CCNG1: variants seen among roughly 807,000 people sequenced by gnomAD.
The protein encoded by CCNG1 is cyclin-G1.
CCNG1 carries 13 observed loss-of-function variants against 30.0 expected under a neutral mutation model. The ratio of observed to expected loss-of-function variants is 0.43; its 90% CI spans 0.28 to 0.69. The LOEUF is 0.69. Among genes scored for constraint, CCNG1 ranks in the 30% least tolerant of loss-of-function variants. The pLI, the probability that CCNG1 is intolerant of heterozygous loss-of-function variation, is 0.16. For missense variants in CCNG1, 285 were observed against 331.4 expected (o/e 0.86, Z 1.09); for synonymous variants, 110 against 121.5 (o/e 0.91, Z 0.62).
rs759491839 is a variant in CCNG1, at chr5:163,441,335, A to G, written c.518+4A>G. On this transcript the variant is annotated splice_donor_region_variant and intron_variant, in intron 3 of 6. Transcript: ENST00000340828. ...AAGAGAACTTGCCACTTGAAAGGTA[A>G]GTGACCTTTGTTTTGAACAAGAGAC... is the stretch of plus-strand genomic sequence containing the variant. The G allele has an allele frequency of 5.0e-6, 8 of 1,612,360 alleles. No homozygotes were observed. In the East Asian group the frequency reaches 1.8e-4, roughly 36 times the overall value.
At position 163,441,141 on chromosome 5, in the gene CCNG1, G is replaced by T; in HGVS notation, c.328G>T (p.Glu110Ter). 1 of 1,613,924 alleles carries T rather than the reference G, an allele frequency of 6.2e-7. No homozygotes were observed. The highest frequency in any genetic ancestry group is 8.5e-7 in the Non-Finnish European group (1 of 1,179,834). Residue 110 changes from glutamate (E) to a stop codon, truncating the protein, a stop_gained, in exon 3 of 7, where the codon GAA (glutamate) becomes TAA (stop). Coordinates refer to ENST00000340828, the MANE Select transcript of CCNG1 (RefSeq NM_004060.4). LOFTEE classifies it high-confidence loss of function. The stretch of plus-strand genomic sequence containing the variant: ...CTTTTATTTGGCTGTAAAATCAATA[G>T]AAGAGGAAAGGAATGTCCCATTGGC... ...SCFYLAVKSIEEERNVPLATD... is the reference protein window; with the variant it reads ...SCFYLAVKSI
Position 163,439,367 on chromosome 5 carries a change from T to G in CCNG1, c.111T>G (p.Ile37Met). The change falls in exon 2 of 7, where the codon ATT (isoleucine) becomes ATG (methionine). Residue 37 changes from isoleucine to methionine, a missense_variant. Transcript: ENST00000340828. ...CAAAGGTCTGTGGTTTGAGACTAAT[T>G]GAGTCTGCACACGATAATGGCCTCA... The part of the protein sequence containing the change: ...CQPKVCGLRL[I>M]ESAHDNGLRM... The G allele has an allele frequency of 6.2e-7, 1 of 1,614,218 alleles. No individual in the cohort carries two copies. Among genetic ancestry groups the G allele is most frequent in the Non-Finnish European group, 8.5e-7 (1 of 1,180,034 alleles).
chr5:163,452,486 A>G, the CCNG1 span: 1 of 150,336 alleles, frequency 6.7e-6, no homozygotes, highest in African/African-American at 2.5e-5. Flanking sequence ...TTGAGCACCA[A>G]TGTAATGATA....
the CCNG1 span, chr5:163,457,475 C>T: frequency 2.4e-6 from 2 of 827,508 alleles, no homozygotes; most frequent in Non-Finnish European, 4.0e-6. Flanking sequence ...TTCAAAGCTG[C>T]AAAGACAAAA....
chr5:163,453,584 T>C, the CCNG1 span: 1 of 153,980 alleles, frequency 6.5e-6, no homozygotes, highest in Non-Finnish European at 1.4e-5. Flanking sequence ...AATTCCTATT[T>C]AGAAAATTTT....
chr5:163,447,917 GT>G (rs1175469692), downstream of CCNG1: 2 of 152,024 alleles, frequency 1.3e-5, no homozygotes, highest in Non-Finnish European at 2.9e-5. Context: ...AGCCATGCTG[GT>G]GCTGCAATTT....
downstream of CCNG1, chr5:163,448,500 C>A (rs887700085): frequency 6.6e-5 from 10 of 152,216 alleles, no homozygotes; most frequent in East Asian, 1.9e-3. Context: ...TCAATAAATT[C>A]TCTATTTTTA....
chr5:163,438,718 A>G (rs1004960096), intron 1 of CCNG1, among the ~76,000 whole-genome samples: 1 of 152,206 alleles, frequency 6.6e-6, no homozygotes, highest in African/African-American at 2.4e-5. Flanking sequence ...GAAGATTTGC[A>G]TTTTATTTTT....
intron 6 of CCNG1, 41 bp from the exon 7 acceptor site, chr5:163,443,626 ACTGGCTT>A: frequency 1.0e-6 from 1 of 999,894 alleles, no homozygotes; most frequent in Non-Finnish European, 1.5e-6. Flanking sequence ...ATTTAGGCAG[ACTGGCTT>A]CTGTTAAGTT....
intron 2 of CCNG1, 62 bp from the exon 3 acceptor site, chr5:163,441,016 T>G (rs1184665272): frequency 6.6e-7 from 1 of 1,514,756 alleles, no homozygotes; most frequent in African/African-American, 1.4e-5. Flanking sequence ...AGATTATCCT[T>G]TATGTTTTAA....
intron 3 of CCNG1, 25 bp downstream of exon 3, chr5:163,441,356 G>A: frequency 6.2e-7 from 1 of 1,600,850 alleles, no homozygotes; most frequent in South Asian, 1.1e-5. Context: ...TTTTGAACAA[G>A]AGACATTTGG....
At chr5:163,438,233 A>AC (rs746678689) in intron 1 of CCNG1, among the ~76,000 whole-genome samples, 125 of 147,384 alleles carry the variant, frequency 8.5e-4, no homozygotes, top group South Asian at 4.5e-4. Context: ...AACCCACCGC[A>AC]CCCCCCCGCC....
At chr5:163,450,092 A>T (rs756394199), downstream of CCNG1, 1 of 151,992 alleles carries the variant, frequency 6.6e-6, no homozygotes, top group Non-Finnish European at 1.5e-5. Context: ...CTCTACTAAA[A>T]ATAAAAAATA....
At chr5:163,457,139 GT>G in the CCNG1 span, 52,624 of 1,168,312 alleles carry the variant, frequency 0.045, no homozygotes, top group South Asian at 0.056. Context: ...TCATCAAGTT[GT>G]TTTTTTTTTT....
Position 163,439,656 on chromosome 5 carries a change from G to C in CCNG1, c.264+136G>C, listed in dbSNP as rs1447786156. 6.0e-6 allele frequency: 4 copies of C among 664,708 alleles called. No individual in the cohort carries two copies. The Admixed American group carries it at 1.2e-4, about 19-fold the overall frequency. The allele number at this position is 664,708 out of a possible 1,614,324, so 41.2% of individuals were successfully genotyped here. A position where few individuals can be genotyped will look rare whatever the true frequency, so the allele number is the denominator to read the frequency against. Reference sequence around the variant, plus strand: ...CAAAACATTAATTTTGTCTACTACAGCATTAATATTTCTTATCATAATCAA... The same window carrying C: ...CAAAACATTAATTTTGTCTACTACACCATTAATATTTCTTATCATAATCAA... On this transcript the variant is annotated intron_variant, in intron 2 of 6. Transcript: ENST00000340828.
At chr5:163,445,453 CTTTACTTT>C (rs1758016751), downstream of CCNG1, among the ~76,000 whole-genome samples, 1 of 151,854 alleles carries the variant, frequency 6.6e-6, no homozygotes, top group Non-Finnish European at 1.5e-5. Flanking sequence ...TTAGCTGACA[CTTTACTTT>C]TTGTTTTTTC....
Position 163,442,355 on chromosome 5 carries a change from A to T in CCNG1, c.697-19A>T, listed in dbSNP as rs752540635. On this transcript the variant is annotated intron_variant, in intron 5 of 6. Transcript: ENST00000340828. ...GACTTACTTGGAGTAATAATTTTTT[A>T]AAATTTATGTATGTACAGATAAATG... 29 of 1,561,566 alleles carry T rather than the reference A, an allele frequency of 1.9e-5. No individual in the cohort carries two copies. The highest frequency in any genetic ancestry group is 2.2e-5 in the Non-Finnish European group (25 of 1,154,856).
In CCNG1 at chr5:163,444,502, A is replaced by T. The variant is rs1757976500; in HGVS notation, c.*832A>T. 6.6e-6 allele frequency: 1 copy of T among 152,630 alleles called. No individual in the cohort carries two copies. Among genetic ancestry groups the T allele is most frequent in the Non-Finnish European group, 1.5e-5 (1 of 68,028 alleles). 9.5% of individuals were successfully genotyped at this position (152,630 alleles called of 1,614,324 possible). A position where few individuals can be genotyped will look rare whatever the true frequency, so the allele number is the denominator to read the frequency against. On this transcript the variant is annotated 3_prime_UTR_variant, in exon 7 of 7. Transcript: ENST00000340828. ...CTAAGGTAAGTTCAGACTAGATTGA[A>T]CACTCCAGAATTTTTTACTACAGAC...
intron 2 of CCNG1, 86 bp from the exon 3 acceptor site, chr5:163,440,992 T>G: frequency 7.3e-7 from 1 of 1,361,248 alleles, no homozygotes; most frequent in Non-Finnish European, 1.0e-6. Flanking sequence ...TTCAAAATGT[T>G]GGGTCGGAGT....
Sources: gnomAD v4.1 joint callset for allele counts (sites outside exome capture counted in the v4.1 genomes callset) on GRCh38, gnomAD v4.1.1 for gene constraint, MANE v1.5 for transcripts, NCBI Gene and HGNC (gene_info 2026-07-23, HGNC 2026-07-21) for gene names.